MARCHF3: variants seen among roughly 807,000 people sequenced by gnomAD.
MARCHF3 encodes the protein membrane associated ring-CH-type finger 3.
MARCHF3 carries 13 observed loss-of-function variants against 24.2 expected under a neutral mutation model. That is an observed-to-expected ratio of 0.54 (90% confidence interval 0.35 to 0.85). MARCHF3 has a LOEUF of 0.85. Ranked by LOEUF, MARCHF3 falls within the 40% of genes least tolerant of loss-of-function variation. The pLI, the probability that MARCHF3 is intolerant of heterozygous loss-of-function variation, is 0.01. For synonymous variants in MARCHF3, 144 were observed against 137.3 expected, an observed-to-expected ratio of 1.05 and a Z score of -0.34; for missense variants, 276 against 325.0, an observed-to-expected ratio of 0.85 and a Z score of 1.16.
At chr5:127,001,663 C>G (rs1334187912) in intron 1 of MARCHF3, among the ~76,000 whole-genome samples, 1 of 152,192 alleles carries the variant, frequency 6.6e-6, no homozygotes. Context: ...TCACCCTACC[C>G]AAGTCATCAT....
chr5:126,876,979 A>G (rs960729104), intron 4 of MARCHF3, among the ~76,000 whole-genome samples: 1 of 152,234 alleles, frequency 6.6e-6, no homozygotes, highest in Non-Finnish European at 1.5e-5. Context: ...GGAAGCAATA[A>G]TAGTTTTGCT....
At chr5:126,913,978 T>C (rs1387434438) in intron 3 of MARCHF3, among the ~76,000 whole-genome samples, 5 of 123,942 alleles carry the variant, frequency 4.0e-5, no homozygotes, top group South Asian at 3.3e-4. Context: ...ATATCCAACT[T>C]TTTTTTTTTT....
At chr5:126,903,217 C>A (rs1021942847) in intron 3 of MARCHF3, among the ~76,000 whole-genome samples, 1 of 151,978 alleles carries the variant, frequency 6.6e-6, no homozygotes, top group African/African-American at 2.4e-5. Context: ...CCTGGAACCT[C>A]AACTGTAAAT....
intron 1 of MARCHF3, among the ~76,000 whole-genome samples, chr5:126,998,896 A>C (rs1752032433): frequency 6.6e-6 from 1 of 152,220 alleles, no homozygotes; most frequent in Non-Finnish European, 1.5e-5. Flanking sequence ...CAAGGAACAA[A>C]GTAAAAAACT....
chr5:126,882,487 G>C (rs76386590), intron 3 of MARCHF3, among the ~76,000 whole-genome samples: 4,884 of 152,144 alleles, frequency 0.032, 234 homozygotes, highest in African/African-American at 0.11. Flanking sequence ...ATAGACAAGG[G>C]GTTGACCTCC....
intron 1 of MARCHF3, among the ~76,000 whole-genome samples, chr5:127,021,089 C>T (rs1752791368): frequency 6.6e-6 from 1 of 151,980 alleles, no homozygotes; most frequent in Admixed American, 6.6e-5. Flanking sequence ...GTTACAGCAA[C>T]CCAAACAGAC....
chr5:127,025,319 AAAAAAAG>A, intron 1 of MARCHF3, among the ~76,000 whole-genome samples: 1 of 149,676 alleles, frequency 6.7e-6, no homozygotes. Flanking sequence ...AAAAAAAAAA[AAAAAAAG>A]AAAGAAACTA....
chr5:126,979,004 T>C (rs1312127985), intron 1 of MARCHF3, among the ~76,000 whole-genome samples: 3 of 152,248 alleles, frequency 2.0e-5, no homozygotes, highest in African/African-American at 7.2e-5. Context: ...AAAAATCCTA[T>C]TATTGAAAAC....
intron 1 of MARCHF3, among the ~76,000 whole-genome samples, chr5:126,953,031 A>G (rs984058604): frequency 6.6e-6 from 1 of 152,186 alleles, no homozygotes; most frequent in African/African-American, 2.4e-5. Flanking sequence ...TTGAGGGAAA[A>G]TGTTCCAAAC....
At chr5:126,922,541 T>TTTA (rs1296072019) in intron 1 of MARCHF3, among the ~76,000 whole-genome samples, 3 of 149,704 alleles carry the variant, frequency 2.0e-5, no homozygotes, top group African/African-American at 7.4e-5. Flanking sequence ...TATTTATTTA[T>TTTA]TTATTTATTT....
intron 4 of MARCHF3, among the ~76,000 whole-genome samples, chr5:126,877,810 A>T (rs1444785800): frequency 6.6e-6 from 1 of 152,220 alleles, no homozygotes; most frequent in African/African-American, 2.4e-5. Context: ...CAAATGCATC[A>T]TTCATAATAT....
chr5:126,997,269 G>A (rs1437906678), intron 1 of MARCHF3, among the ~76,000 whole-genome samples: 1 of 152,152 alleles, frequency 6.6e-6, no homozygotes, highest in Admixed American at 6.5e-5. Context: ...TTAATACAAA[G>A]AGAAAGGTAA....
At position 126,867,849 on chromosome 5, in the gene MARCHF3, T is replaced by C. The variant is rs1049517225; in HGVS notation, c.*2784A>G. ...CCGTCCTTCCCCAAATGAGCACATATGCAGGGCAGGCAAGAGCATGCTGGA... is the reference window on the plus strand; with the variant it reads ...CCGTCCTTCCCCAAATGAGCACATACGCAGGGCAGGCAAGAGCATGCTGGA... On this transcript the variant is annotated 3_prime_UTR_variant, in exon 5 of 5. Transcript: ENST00000308660. The C allele has an allele frequency of 1.5e-4, 23 of 152,400 alleles. No homozygotes were observed. The highest frequency in any genetic ancestry group is 5.3e-4 in the African/African-American group (22 of 41,576). 9.4% of individuals were successfully genotyped at this position (152,400 alleles called of 1,614,324 possible).
chr5:126,909,234 A>G (rs1025149591), intron 3 of MARCHF3, among the ~76,000 whole-genome samples: 4 of 152,234 alleles, frequency 2.6e-5, no homozygotes, highest in Non-Finnish European at 5.9e-5. Context: ...GCTGTCAGAC[A>G]GGGACATTTA....
At chr5:127,018,696 G>A (rs1014372662) in intron 1 of MARCHF3, among the ~76,000 whole-genome samples, 1 of 152,172 alleles carries the variant, frequency 6.6e-6, no homozygotes, top group Non-Finnish European at 1.5e-5. Context: ...AGGGCCAGAG[G>A]GTAAGTAATG....
chr5:126,939,822 G>A lies in MARCHF3; in HGVS notation c.-56-21595C>T, dbSNP rs532305993. On this transcript the variant is annotated intron_variant, in intron 1 of 4. Coordinates refer to ENST00000308660, the MANE Select transcript of MARCHF3 (RefSeq NM_178450.5). ...AATCAATACATAACCTTGTTTATGCGGGTCTCTGCTTGAAGACACCTTATT... is the reference window on the plus strand; with the variant it reads ...AATCAATACATAACCTTGTTTATGCAGGTCTCTGCTTGAAGACACCTTATT... 1.2e-4 allele frequency among the ~76,000 whole-genome samples: 18 copies of A among 152,132 alleles called. No homozygotes were observed. In the South Asian group the frequency reaches 1.2e-3, roughly 11 times the overall value.
chr5:126,906,771 C>T (rs1214302581), intron 3 of MARCHF3, among the ~76,000 whole-genome samples: 1 of 152,096 alleles, frequency 6.6e-6, no homozygotes. Flanking sequence ...AAAACCAGCT[C>T]CTGGATTCGT....
At chr5:127,003,662 A>G (rs76105461) in intron 1 of MARCHF3, among the ~76,000 whole-genome samples, 3,080 of 152,102 alleles carry the variant, frequency 0.02, 70 homozygotes, top group South Asian at 0.11. Flanking sequence ...AGGCAAGAGA[A>G]TGGCGCGAAC....
chr5:126,985,317 C>A (rs1194461286), intron 1 of MARCHF3, among the ~76,000 whole-genome samples: 1 of 152,068 alleles, frequency 6.6e-6, no homozygotes, highest in Admixed American at 6.5e-5. Context: ...AATTAAACCA[C>A]AATCTGACTT....
Sources: allele counts gnomAD v4.1 joint callset (sites outside exome capture counted in the v4.1 genomes callset), GRCh38; gene constraint gnomAD v4.1.1; transcripts MANE v1.5; gene names NCBI Gene and HGNC (gene_info 2026-07-23, HGNC 2026-07-21).